PBRM1: variants seen among roughly 807,000 people sequenced by gnomAD.
The protein encoded by PBRM1 is polybromo 1, also known as protein polybromo-1.
A neutral mutation model predicts 194.5 loss-of-function variants in PBRM1; 27 were observed. The ratio of observed to expected loss-of-function variants is 0.14; its 90% confidence interval spans 0.10 to 0.19. The LOEUF (loss-of-function observed/expected upper bound fraction) is 0.19. Among genes scored for constraint, PBRM1 ranks in the 10% least tolerant of loss-of-function variants. The probability of loss-of-function intolerance (pLI) is 1.00; values close to 1 mark genes in which losing one functional copy is unlikely to be tolerated. For synonymous variants in PBRM1, 655 were observed against 693.2 expected (o/e 0.94, Z 0.87); for missense variants, 1,466 against 2,077.2 (o/e 0.71, Z 5.72).
chr3:52,604,389 G>A (rs573584327), intron 16 of PBRM1, among the ~76,000 whole-genome samples: 1 of 152,292 alleles, frequency 6.6e-6, no homozygotes, highest in South Asian at 2.1e-4. Context: ...GAACTTTTCT[G>A]AGTCTCCTTC....
At chr3:52,612,948 T>C (rs1181502846) in intron 15 of PBRM1, among the ~76,000 whole-genome samples, 2 of 150,456 alleles carry the variant, frequency 1.3e-5, no homozygotes, top group African/African-American at 4.9e-5. Context: ...ATTTATTATA[T>C]AGAACTTAAT....
intron 10 of PBRM1, among the ~76,000 whole-genome samples, chr3:52,635,434 C>T (rs1334911128): frequency 6.6e-6 from 1 of 151,878 alleles, no homozygotes; most frequent in African/African-American, 2.4e-5. Flanking sequence ...GGCATGGTGG[C>T]ATGCACCTGT....
chr3:52,636,243 C>A (rs527420251), intron 10 of PBRM1, among the ~76,000 whole-genome samples: 2 of 152,172 alleles, frequency 1.3e-5, no homozygotes, highest in East Asian at 3.9e-4. Context: ...TTTAAAACAT[C>A]CCCCAGGACT....
In PBRM1 at chr3:52,601,797, G is replaced by A. The variant is rs1290456383; in HGVS notation, c.2779+1724C>T. Among the ~76,000 whole-genome samples the A allele has an allele frequency of 3.9e-5, 6 of 152,224 alleles. No homozygotes were observed. In the East Asian group the frequency reaches 9.7e-4, roughly 24 times the overall value. On this transcript the variant is annotated intron_variant, in intron 17 of 29. Transcript: ENST00000296302. ...GGATCGAGCAGGTGGGTGGGTTCCCGAGCCCTTGGGCAGTGGATGTGGCAA... is the reference window on the plus strand; with the variant it reads ...GGATCGAGCAGGTGGGTGGGTTCCCAAGCCCTTGGGCAGTGGATGTGGCAA...
chr3:52,612,258 CAAAAAAA>C lies in PBRM1; in HGVS notation c.1925-2310_1925-2304del, dbSNP rs566481465. Among the ~76,000 whole-genome samples the C allele has an allele frequency of 3.9e-3, 94 of 24,014 alleles. 1 individual carries two copies. Among genetic ancestry groups the C allele is most frequent in the African/African-American group, 0.013 (85 of 6,338 alleles). 15.8% of individuals were successfully genotyped at this position (24,014 alleles called of 152,430 possible). ...TAGGCAACAGAGCGAGATTCCGTCT[CAAAAAAA>C]AAAAAAAAAAAAAAAAAGAGGTATC... On this transcript the variant is annotated intron_variant, in intron 15 of 29. Transcript: ENST00000296302.
chr3:52,585,912 A>C (rs2092307987), intron 20 of PBRM1: 3 of 151,928 alleles, frequency 2.0e-5, no homozygotes, highest in Admixed American at 2.0e-4. Flanking sequence ...TTGTCAAATA[A>C]TTAGCTCTTA....
At chr3:52,651,916 C>T (rs894035258) in intron 5 of PBRM1, 106 bp from the exon 7 acceptor site, 96 of 695,052 alleles carry the variant, frequency 1.4e-4, no homozygotes, top group Non-Finnish European at 2.2e-4. Flanking sequence ...AGTGAAGCAG[C>T]TTTGTGAGAT....
intron 4 of PBRM1, among the ~76,000 whole-genome samples, chr3:52,660,974 T>TG (rs1156764777): frequency 6.6e-6 from 1 of 152,256 alleles, no homozygotes; most frequent in Non-Finnish European, 1.5e-5. Flanking sequence ...AAAAGAGTTG[T>TG]GATCCCCTCT....
chr3:52,554,813 A>G (rs1575527612), exon 27 of PBRM1: 1 of 1,598,464 alleles, frequency 6.3e-7, no homozygotes, highest in East Asian at 2.3e-5. Flanking sequence ...CATGCTGCCC[A>G]TGCTAACAAG....
At chr3:52,670,629 G>T (rs939976945) in intron 2 of PBRM1, among the ~76,000 whole-genome samples, 2 of 152,226 alleles carry the variant, frequency 1.3e-5, no homozygotes, top group African/African-American at 4.8e-5. Context: ...CAGACAGCCT[G>T]CCGGCTACTC....
chr3:52,649,253 G>C (rs1358867926), intron 6 of PBRM1, among the ~76,000 whole-genome samples: 1 of 152,164 alleles, frequency 6.6e-6, no homozygotes, highest in East Asian at 1.9e-4. Flanking sequence ...GGCATCGGGA[G>C]GGCTCTACCT....
At chr3:52,682,927 C>A (rs71299614), upstream of PBRM1, among the ~76,000 whole-genome samples, 9,108 of 152,054 alleles carry the variant, frequency 0.06, 360 homozygotes, top group Non-Finnish European at 0.084. Context: ...TAGCTGGGTG[C>A]GGTGGCTCAT....
chr3:52,554,598 T>C, intron 27 of PBRM1, 126 bp downstream of exon 29: 1 of 749,242 alleles, frequency 1.3e-6, no homozygotes, highest in Non-Finnish European at 2.1e-6. Flanking sequence ...CTGACAACCT[T>C]TGGATTCTCA....
chr3:52,645,895 G>A (rs1209612330), intron 7 of PBRM1, among the ~76,000 whole-genome samples: 2 of 152,124 alleles, frequency 1.3e-5, no homozygotes, highest in African/African-American at 2.4e-5. Flanking sequence ...AGAACCATAC[G>A]AAAGCAAAAC....
chr3:52,614,959 C>A (rs1004912722), intron 15 of PBRM1, among the ~76,000 whole-genome samples: 1 of 152,112 alleles, frequency 6.6e-6, no homozygotes, highest in Non-Finnish European at 1.5e-5. Context: ...ATCTCTAACT[C>A]CTCAAATTCT....
At chr3:52,604,462 AG>A (rs1312122671) in intron 16 of PBRM1, among the ~76,000 whole-genome samples, 1 of 152,210 alleles carries the variant, frequency 6.6e-6, no homozygotes, top group African/African-American at 2.4e-5. Context: ...ATGCTTTGGG[AG>A]GCCGAGGCGG....
chr3:52,637,129 G>GT, intron 10 of PBRM1, among the ~76,000 whole-genome samples: 1 of 152,154 alleles, frequency 6.6e-6, no homozygotes, highest in Non-Finnish European at 1.5e-5. Context: ...AGAGCCTGCA[G>GT]TTGGATTTAC....
chr3:52,646,608 T>C (rs192169102), intron 7 of PBRM1, among the ~76,000 whole-genome samples: 27 of 146,588 alleles, frequency 1.8e-4, no homozygotes, highest in East Asian at 1.0e-3. Context: ...CTATGGTCAA[T>C]TGATTTCTAA....
intron 6 of PBRM1, among the ~76,000 whole-genome samples, chr3:52,650,385 TAAAA>T (rs35462727): frequency 8.4e-6 from 1 of 119,348 alleles, no homozygotes; most frequent in African/African-American, 3.2e-5. Context: ...AAAAAAACCC[TAAAA>T]AAAAAAAAAG....
Sources: gnomAD v4.1 joint callset for allele counts (sites outside exome capture counted in the v4.1 genomes callset) on GRCh38, gnomAD v4.1.1 for gene constraint, MANE v1.5 for transcripts, NCBI Gene and HGNC (gene_info 2026-07-23, HGNC 2026-07-21) for gene names.